GRM7: variants seen among roughly 807,000 people sequenced by gnomAD.
GRM7 encodes the protein metabotropic glutamate receptor 7.
GRM7 carries 35 observed loss-of-function variants against 84.5 expected under a neutral mutation model. The ratio of observed to expected loss-of-function variants is 0.41; its 90% CI spans 0.32 to 0.55. The LOEUF (loss-of-function observed/expected upper bound fraction) is 0.55, where lower values mean the gene tolerates loss of function less well. Among genes scored for constraint, GRM7 ranks in the 20% least tolerant of loss-of-function variants. The pLI is 0.19. For missense variants in GRM7, 1,003 were observed against 1,194.6 expected, an observed-to-expected ratio of 0.84 and a Z score of 2.36; for synonymous variants, 487 against 455.1, an observed-to-expected ratio of 1.07 and a Z score of -0.89.
intron 8 of GRM7, chr3:7,636,144 G>A: frequency 2.3e-6 from 1 of 442,994 alleles, no homozygotes; most frequent in Non-Finnish European, 4.6e-6. Flanking sequence ...TTTGATGCAT[G>A]TTTATCTTTT....
chr3:7,044,775 G>A (rs900733729), intron 1 of GRM7, among the ~76,000 whole-genome samples: 1 of 152,102 alleles, frequency 6.6e-6, no homozygotes, highest in Non-Finnish European at 1.5e-5. Flanking sequence ...GGCAATTTCA[G>A]TAGTAAGTTC....
intron 7 of GRM7, among the ~76,000 whole-genome samples, chr3:7,464,378 A>G (rs1698375418): frequency 6.6e-6 from 1 of 152,204 alleles, no homozygotes; most frequent in Non-Finnish European, 1.5e-5. Context: ...TAAATATACT[A>G]CAGCCAAAAT....
At chr3:7,483,050 T>C (rs1219017481) in intron 7 of GRM7, among the ~76,000 whole-genome samples, 2 of 152,172 alleles carry the variant, frequency 1.3e-5, no homozygotes, top group Non-Finnish European at 2.9e-5. Context: ...AGGAAAGAAG[T>C]AACAAGAGGT....
chr3:7,206,820 A>G (rs1287040349), intron 2 of GRM7, among the ~76,000 whole-genome samples: 1 of 152,196 alleles, frequency 6.6e-6, no homozygotes, highest in Non-Finnish European at 1.5e-5. Context: ...TTCCCTTATT[A>G]TTCGACGGGT....
intron 8 of GRM7, among the ~76,000 whole-genome samples, chr3:7,619,982 C>A (rs190150083): frequency 6.6e-6 from 1 of 152,222 alleles, no homozygotes; most frequent in African/African-American, 2.4e-5. Context: ...AGCCTGTGAA[C>A]TGAATATAGA....
At chr3:7,201,715 T>G (rs1696075051) in intron 2 of GRM7, among the ~76,000 whole-genome samples, 1 of 152,216 alleles carries the variant, frequency 6.6e-6, no homozygotes, top group East Asian at 1.9e-4. Context: ...ATACTAAGTT[T>G]AAGACACTTA....
chr3:7,281,167 G>A (rs1200361399), intron 2 of GRM7, among the ~76,000 whole-genome samples: 2 of 152,140 alleles, frequency 1.3e-5, no homozygotes, highest in African/African-American at 4.8e-5. Flanking sequence ...TCTAAAATAA[G>A]TATGAAACGT....
intron 4 of GRM7, among the ~76,000 whole-genome samples, chr3:7,351,422 A>T (rs561419038): frequency 7.1e-4 from 107 of 150,874 alleles, no homozygotes; most frequent in Non-Finnish European, 1.3e-3. Flanking sequence ...TCATCTTCAT[A>T]TGCTTGCAGC....
chr3:7,047,967 T>C (rs1429042027), intron 1 of GRM7, among the ~76,000 whole-genome samples: 1 of 152,020 alleles, frequency 6.6e-6, no homozygotes, highest in African/African-American at 2.4e-5. Flanking sequence ...TTCGTAATGT[T>C]AGGTATTGAC....
intron 4 of GRM7, among the ~76,000 whole-genome samples, chr3:7,307,948 G>GTA (rs1349106810): frequency 8.9e-6 from 1 of 111,732 alleles, no homozygotes; most frequent in East Asian, 2.6e-4. Context: ...AGTATGGAGG[G>GTA]CACAGAGAGT....
At chr3:7,535,832 A>G (rs1482749123) in intron 7 of GRM7, among the ~76,000 whole-genome samples, 1 of 152,200 alleles carries the variant, frequency 6.6e-6, no homozygotes, top group African/African-American at 2.4e-5. Context: ...TTACTTGTCA[A>G]ACCATGCACC....
At chr3:7,666,303 C>T (rs1559474594) in intron 8 of GRM7, among the ~76,000 whole-genome samples, 1 of 152,160 alleles carries the variant, frequency 6.6e-6, no homozygotes, top group Non-Finnish European at 1.5e-5. Flanking sequence ...AGTCCTTTCA[C>T]TGGAATTAAG....
intron 2 of GRM7, among the ~76,000 whole-genome samples, chr3:7,263,321 A>G (rs1009870563): frequency 3.9e-5 from 6 of 152,178 alleles, no homozygotes; most frequent in Admixed American, 6.5e-5. Context: ...GTGCAACAGG[A>G]CCACTGGTCA....
At chr3:7,051,914 C>G (rs1325025938) in intron 1 of GRM7, among the ~76,000 whole-genome samples, 1 of 151,586 alleles carries the variant, frequency 6.6e-6, no homozygotes, top group Non-Finnish European at 1.5e-5. Context: ...CTAAATAAAG[C>G]TAATCTAATT....
intron 3 of GRM7, among the ~76,000 whole-genome samples, chr3:7,303,001 C>T (rs1171380209): frequency 7.1e-6 from 1 of 141,514 alleles, no homozygotes; most frequent in African/African-American, 2.8e-5. Flanking sequence ...AGTGCAGTGG[C>T]GCGATCTCAG....
chr3:6,895,338 C>T (rs1321167609), intron 1 of GRM7, among the ~76,000 whole-genome samples: 2 of 152,122 alleles, frequency 1.3e-5, no homozygotes, highest in Non-Finnish European at 2.9e-5. Context: ...GGAAAGCTGC[C>T]TTAAGATTCT....
chr3:7,604,930 GCTTC>G (rs1696491661), intron 8 of GRM7, among the ~76,000 whole-genome samples: 1 of 152,138 alleles, frequency 6.6e-6, no homozygotes, highest in Non-Finnish European at 1.5e-5. Flanking sequence ...ATAGAAAAGT[GCTTC>G]CTTATCTAAT....
At chr3:7,314,227 C>T (rs145465379) in intron 4 of GRM7, among the ~76,000 whole-genome samples, 80 of 152,198 alleles carry the variant, frequency 5.3e-4, no homozygotes, top group African/African-American at 1.7e-3. Context: ...AATGTGTGCT[C>T]AGGATTATAA....
At chr3:7,730,864 T>C (rs1702304389) in intron 9 of GRM7, among the ~76,000 whole-genome samples, 1 of 152,192 alleles carries the variant, frequency 6.6e-6, no homozygotes, top group Non-Finnish European at 1.5e-5. Context: ...CCAAAGTGCA[T>C]AAGAAAAAGT....
Sources: allele counts gnomAD v4.1 joint callset (sites outside exome capture counted in the v4.1 genomes callset), GRCh38; gene constraint gnomAD v4.1.1; transcripts MANE v1.5; gene names NCBI Gene and HGNC (gene_info 2026-07-23, HGNC 2026-07-21).